MAP3K1: variants seen among roughly 807,000 people sequenced by gnomAD.
MAP3K1 encodes MAP/ERK kinase kinase 1.
MAP3K1 carries 36 observed loss-of-function variants against 144.2 expected under a neutral mutation model. The observed-to-expected ratio is 0.25, with a 90% confidence interval of 0.19 to 0.33. MAP3K1 has a LOEUF of 0.33. Among genes scored for constraint, MAP3K1 ranks in the 10% least tolerant of loss-of-function variants. The pLI, the probability that MAP3K1 is intolerant of heterozygous loss-of-function variation, is 1.00. For synonymous variants in MAP3K1, 718 were observed against 688.7 expected, an observed-to-expected ratio of 1.04 and a Z score of -0.67; for missense variants, 1,650 against 1,881.9, an observed-to-expected ratio of 0.88 and a Z score of 2.28.
At chr5:56,844,097 A>G (rs548444654) in intron 1 of MAP3K1, among the ~76,000 whole-genome samples, 1 of 152,244 alleles carries the variant, frequency 6.6e-6, no homozygotes, top group South Asian at 2.1e-4. Context: ...TCCTGTGATA[A>G]ATAAAGCCAA....
At position 56,829,191 on chromosome 5, in the gene MAP3K1, C is replaced by CT. The variant is rs762000257; in HGVS notation, c.482+13142dup. Among the ~76,000 whole-genome samples the CT allele has an allele frequency of 9.8e-5, 14 of 143,058 alleles. No homozygotes were observed. In the East Asian group the frequency reaches 2.4e-3, roughly 25 times the overall value. 93.9% of individuals were successfully genotyped at this position (143,058 alleles called of 152,430 possible). A position where few individuals can be genotyped will look rare whatever the true frequency, so the allele number is the denominator to read the frequency against. On this transcript the variant is annotated intron_variant, in intron 1 of 19. Transcript: ENST00000399503. ...TTTTTCTTCTTTTTTTTTTTTTCCT[C>CT]TTTTTTCTGAGACAGGGTCTCACTC...
intron 9 of MAP3K1, 69 bp downstream of exon 9, chr5:56,873,074 C>A: frequency 7.1e-7 from 1 of 1,404,508 alleles, no homozygotes; most frequent in Non-Finnish European, 9.9e-7. Context: ...TTGTCTCCTT[C>A]CCTCAGTTGT....
chr5:56,847,456 G>A (rs755297250), intron 1 of MAP3K1, among the ~76,000 whole-genome samples: 8 of 152,180 alleles, frequency 5.3e-5, no homozygotes, highest in African/African-American at 1.2e-4. Context: ...AATTAGCTGG[G>A]CGTTGTGTTG....
At chr5:56,886,609 A>G (rs1439393932) in intron 17 of MAP3K1, among the ~76,000 whole-genome samples, 1 of 152,194 alleles carries the variant, frequency 6.6e-6, no homozygotes, top group African/African-American at 2.4e-5. Context: ...AGTATACAAC[A>G]CAGGTCTCCA....
intron 3 of MAP3K1, among the ~76,000 whole-genome samples, chr5:56,861,809 G>T (rs1027824539): frequency 6.6e-6 from 1 of 152,086 alleles, no homozygotes; most frequent in Non-Finnish European, 1.5e-5. Flanking sequence ...TAGTGGAAAT[G>T]CATGTTAAGA....
intron 1 of MAP3K1, among the ~76,000 whole-genome samples, chr5:56,828,622 A>G (rs80289197): frequency 0.032 from 4,904 of 152,330 alleles, 253 homozygotes; most frequent in African/African-American, 0.11. Context: ...TGCTAGGAGA[A>G]TATTATTTTG....
At chr5:56,859,304 G>T (rs571147872) in intron 2 of MAP3K1, among the ~76,000 whole-genome samples, 4 of 151,944 alleles carry the variant, frequency 2.6e-5, no homozygotes, top group African/African-American at 9.7e-5. Flanking sequence ...AAATAAAAAC[G>T]TACCTAGATC....
At chr5:56,883,884 C>T (rs1483218106) in intron 15 of MAP3K1, among the ~76,000 whole-genome samples, 1 of 152,148 alleles carries the variant, frequency 6.6e-6, no homozygotes, top group Non-Finnish European at 1.5e-5. Context: ...CGTGGTGGCT[C>T]ACACCTGTAA....
intron 6 of MAP3K1, among the ~76,000 whole-genome samples, chr5:56,866,220 C>T (rs1747666712): frequency 6.6e-6 from 1 of 152,072 alleles, no homozygotes; most frequent in South Asian, 2.1e-4. Flanking sequence ...CAAGACCAGC[C>T]TGGGCAACAT....
intron 13 of MAP3K1, 120 bp from the exon 14 acceptor site, chr5:56,881,450 A>G: frequency 1.0e-6 from 1 of 996,988 alleles, no homozygotes; most frequent in Non-Finnish European, 1.5e-6. Context: ...AAATTCATAG[A>G]TACTTTATGC....
chr5:56,842,497 A>AGAG, intron 1 of MAP3K1, among the ~76,000 whole-genome samples: 1 of 152,236 alleles, frequency 6.6e-6, no homozygotes, highest in East Asian at 1.9e-4. Flanking sequence ...TACTTAGAAC[A>AGAG]GAGGAGGCAC....
chr5:56,842,919 C>T (rs949621285), intron 1 of MAP3K1, among the ~76,000 whole-genome samples: 3 of 152,120 alleles, frequency 2.0e-5, no homozygotes, highest in Non-Finnish European at 2.9e-5. Context: ...CAGGCAGTCT[C>T]GCTCCAGAAC....
In MAP3K1 at chr5:56,895,976, C is replaced by CAAA. The variant is rs34130917; in HGVS notation, c.*2312_*2314dup. 6.7e-3 allele frequency: 1,214 copies of CAAA among 181,876 alleles called. 7 individuals are homozygous for CAAA. Among genetic ancestry groups the CAAA allele is most frequent in the Middle Eastern group, 0.015 (9 of 586 alleles). 11.3% of individuals were successfully genotyped at this position (181,876 alleles called of 1,614,324 possible). A position where few individuals can be genotyped will look rare whatever the true frequency, so the allele number is the denominator to read the frequency against. On this transcript the variant is annotated 3_prime_UTR_variant, in exon 20 of 20. Coordinates refer to ENST00000399503, the MANE Select transcript of MAP3K1 (RefSeq NM_005921.2). ...CACCTTACTGTGTAAGCAAATGTTA[C>CAAA]AAAAAAAAAAAAAAAAAATCTCTGG...
chr5:56,857,703 T>C (rs1391995670), intron 2 of MAP3K1, among the ~76,000 whole-genome samples: 1 of 152,224 alleles, frequency 6.6e-6, no homozygotes, highest in Non-Finnish European at 1.5e-5. Flanking sequence ...GGCCAATGGC[T>C]ACCTTTTAGG....
intron 1 of MAP3K1, among the ~76,000 whole-genome samples, chr5:56,829,230 GAAGTGCAGTGA>G (rs1020534531): frequency 6.6e-6 from 1 of 150,452 alleles, no homozygotes; most frequent in African/African-American, 2.5e-5. Flanking sequence ...CACCCAGGCT[GAAGTGCAGTGA>G]CATGATCATG....
At chr5:56,844,794 G>A (rs1342816914) in intron 1 of MAP3K1, among the ~76,000 whole-genome samples, 1 of 152,194 alleles carries the variant, frequency 6.6e-6, no homozygotes, top group Non-Finnish European at 1.5e-5. Flanking sequence ...TGCCTGGCCA[G>A]TGCTTATCTG....
intron 16 of MAP3K1, 123 bp downstream of exon 16, chr5:56,884,949 C>T: frequency 3.7e-6 from 3 of 808,950 alleles, no homozygotes; most frequent in Non-Finnish European, 6.0e-6. Context: ...AAACAAATCA[C>T]CCCAATATAT....
intron 10 of MAP3K1, 77 bp from the exon 11 acceptor site, chr5:56,878,903 A>G: frequency 1.5e-6 from 2 of 1,328,856 alleles, no homozygotes; most frequent in Non-Finnish European, 2.2e-6. Flanking sequence ...TTTGTTGCTC[A>G]AATTGTCTCA....
chr5:56,841,815 A>T (rs923116386), intron 1 of MAP3K1, among the ~76,000 whole-genome samples: 1 of 152,232 alleles, frequency 6.6e-6, no homozygotes, highest in Non-Finnish European at 1.5e-5. Context: ...TGTCATGGCT[A>T]ATGGCACAGT....
Sources: allele counts gnomAD v4.1 joint callset (sites outside exome capture counted in the v4.1 genomes callset), GRCh38; gene constraint gnomAD v4.1.1; transcripts MANE v1.5; gene names NCBI Gene and HGNC (gene_info 2026-07-23, HGNC 2026-07-21).